The following GRID2 variants were observed in gnomAD, a reference collection of about 807,000 sequenced individuals.
GRID2 encodes the protein glutamate receptor ionotropic, delta-2.
A neutral mutation model predicts 114.8 loss-of-function variants in GRID2; 33 were observed. The ratio of observed to expected loss-of-function variants is 0.29; its 90% CI spans 0.22 to 0.38. GRID2 has a LOEUF of 0.38. GRID2 is among the 10% of genes least tolerant of loss of function. GRID2 has a pLI of 1.00. For missense variants in GRID2, 1,184 were observed against 1,257.7 expected, an observed-to-expected ratio of 0.94 and a Z score of 0.89; for synonymous variants, 505 against 449.9, an observed-to-expected ratio of 1.12 and a Z score of -1.55.
chr4:92,991,559 A>T (rs1025880718), intron 2 of GRID2, among the ~76,000 whole-genome samples: 2 of 152,208 alleles, frequency 1.3e-5, no homozygotes, highest in Non-Finnish European at 2.9e-5. Context: ...AGTTGGTTTT[A>T]TTTATAAGCA....
chr4:92,322,107 C>G (rs1726345369), intron 1 of GRID2, among the ~76,000 whole-genome samples: 1 of 152,086 alleles, frequency 6.6e-6, no homozygotes, highest in Admixed American at 6.6e-5. Context: ...AAATAGGGTT[C>G]CCTGTTTATC....
intron 2 of GRID2, among the ~76,000 whole-genome samples, chr4:93,041,704 G>A (rs1036813401): frequency 8.6e-5 from 13 of 151,950 alleles, no homozygotes. Flanking sequence ...CTGCTATTGT[G>A]CTCAAAACTC....
intron 2 of GRID2, among the ~76,000 whole-genome samples, chr4:93,078,815 A>T (rs1365640952): frequency 2.0e-5 from 3 of 146,904 alleles, no homozygotes; most frequent in African/African-American, 7.4e-5. Context: ...TGTACTATAT[A>T]TACTAAATAT....
chr4:93,190,013 C>T (rs1740833206), intron 4 of GRID2, among the ~76,000 whole-genome samples: 1 of 152,096 alleles, frequency 6.6e-6, no homozygotes, highest in South Asian at 2.1e-4. Context: ...AGCATATTTA[C>T]AACTACTGAA....
chr4:93,712,600 C>T (rs568708758), intron 14 of GRID2, among the ~76,000 whole-genome samples: 15 of 152,250 alleles, frequency 9.9e-5, no homozygotes, highest in Admixed American at 9.2e-4. Context: ...TTCATGAGGA[C>T]ATAAACCATC....
chr4:92,560,552 G>A (rs1727056652), intron 1 of GRID2, among the ~76,000 whole-genome samples: 1 of 152,090 alleles, frequency 6.6e-6, no homozygotes, highest in Non-Finnish European at 1.5e-5. Flanking sequence ...ATCCTTTATT[G>A]ATCAATGTTT....
chr4:93,337,517 G>A (rs915713171), intron 8 of GRID2, among the ~76,000 whole-genome samples: 1 of 152,146 alleles, frequency 6.6e-6, no homozygotes, highest in African/African-American at 2.4e-5. Flanking sequence ...ATAAGCAGGA[G>A]GAATGACTGC....
At chr4:93,317,293 C>G (rs926805208) in intron 8 of GRID2, among the ~76,000 whole-genome samples, 1 of 149,972 alleles carries the variant, frequency 6.7e-6, no homozygotes, top group South Asian at 2.1e-4. Context: ...GATTAGCTTG[C>G]GTATAGAGAT....
intron 2 of GRID2, among the ~76,000 whole-genome samples, chr4:92,926,537 C>T (rs1749821438): frequency 6.6e-6 from 1 of 151,796 alleles, no homozygotes; most frequent in Admixed American, 6.6e-5. Flanking sequence ...CATCATATTA[C>T]CAAAGACATC....
intron 2 of GRID2, among the ~76,000 whole-genome samples, chr4:92,795,439 A>G (rs1038000387): frequency 2.6e-5 from 4 of 151,916 alleles, no homozygotes; most frequent in Non-Finnish European, 5.9e-5. Flanking sequence ...CAGCCATGTG[A>G]AACTGTAAAT....
At chr4:92,576,847 C>A (rs1319033545) in intron 1 of GRID2, among the ~76,000 whole-genome samples, 2 of 152,114 alleles carry the variant, frequency 1.3e-5, no homozygotes, top group African/African-American at 2.4e-5. Context: ...CGTTGCCCCA[C>A]CCTGCTTTTT....
At chr4:93,804,805 C>T (rs1454324247) in intron 1 of GRID2, among the ~76,000 whole-genome samples, 1 of 152,192 alleles carries the variant, frequency 6.6e-6, no homozygotes, top group Non-Finnish European at 1.5e-5. Context: ...AAAACCAGTC[C>T]TACCTCCTCC....
chr4:93,397,585 A>G lies in GRID2; in HGVS notation c.1347+1877A>G, dbSNP rs1219267953. On this transcript the variant is annotated intron_variant, in intron 9 of 15. Transcript: ENST00000282020. ...GTAATGGATATAAGAGAAATAATAT[A>G]CAGACCTTGTCCTCAAAGTATTCAT... is the stretch of plus-strand genomic sequence containing the variant. Among the ~76,000 whole-genome samples, 5 of 152,100 alleles carry G rather than the reference A, an allele frequency of 3.3e-5. No individual in the cohort carries two copies. The South Asian group carries it at 8.3e-4, about 25-fold the overall frequency.
intron 13 of GRID2, among the ~76,000 whole-genome samples, chr4:93,544,065 C>A (rs1227441239): frequency 6.6e-6 from 1 of 152,166 alleles, no homozygotes; most frequent in Non-Finnish European, 1.5e-5. Context: ...TGTTTTCATG[C>A]TAGACACATT....
rs1353456848 is a variant in GRID2 at position 93,332,295 on chromosome 4, T to TGA, written c.1246-63311_1246-63310insAG. On this transcript the variant is annotated intron_variant, in intron 8 of 15. Transcript: ENST00000282020. ...GTGTGTGTGTGTGTGTGTGTGTGTG[T>TGA]GTGTGAGAGAGAGAGAGAGAGAGAG... Among the ~76,000 whole-genome samples, 1,044 of 128,936 alleles carry TGA rather than the reference T, an allele frequency of 8.1e-3. 9 individuals are homozygous for TGA. Among genetic ancestry groups the TGA allele is most frequent in the African/African-American group, 0.034 (989 of 29,502 alleles). 84.6% of individuals were successfully genotyped at this position (128,936 alleles called of 152,430 possible).
intron 14 of GRID2, among the ~76,000 whole-genome samples, chr4:93,690,046 G>C (rs1350989517): frequency 6.6e-6 from 1 of 151,914 alleles, no homozygotes; most frequent in East Asian, 1.9e-4. Context: ...ATAATTCCAT[G>C]TATAATTTTA....
intron 2 of GRID2, among the ~76,000 whole-genome samples, chr4:92,693,663 T>A (rs1734291852): frequency 6.6e-6 from 1 of 152,150 alleles, no homozygotes; most frequent in Non-Finnish European, 1.5e-5. Flanking sequence ...TTGAGTGGAA[T>A]TACATCTAAA....
intron 1 of GRID2, among the ~76,000 whole-genome samples, chr4:93,784,514 GA>G (rs1734552762): frequency 6.6e-6 from 1 of 152,032 alleles, no homozygotes; most frequent in Admixed American, 6.5e-5. Context: ...AAGTATCATT[GA>G]CAAGTAGGAG....
chr4:92,812,548 A>G (rs964777350), intron 2 of GRID2, among the ~76,000 whole-genome samples: 1 of 152,124 alleles, frequency 6.6e-6, no homozygotes, highest in African/African-American at 2.4e-5. Context: ...GTGATTTTAA[A>G]TGTAGTATTT....
Sources: allele counts gnomAD v4.1 joint callset (sites outside exome capture counted in the v4.1 genomes callset), GRCh38; gene constraint gnomAD v4.1.1; transcripts MANE v1.5; gene names NCBI Gene and HGNC (gene_info 2026-07-23, HGNC 2026-07-21).